Variants in LRRTM4 observed in about 807,000 individuals in gnomAD.
The protein encoded by LRRTM4 is leucine rich repeat transmembrane neuronal 4.
In LRRTM4, 25 loss-of-function variants were observed where a neutral mutation model predicts 47.6. The ratio of observed to expected loss-of-function variants is 0.53; its 90% CI spans 0.38 to 0.73. LRRTM4 has a LOEUF of 0.73. LRRTM4 is among the 30% of genes least tolerant of loss of function. The pLI, the probability that LRRTM4 is intolerant of heterozygous loss-of-function variation, is 0.00. For synonymous variants in LRRTM4, 311 were observed against 269.5 expected, an observed-to-expected ratio of 1.15 and a Z score of -1.51; for missense variants, 638 against 713.4, an observed-to-expected ratio of 0.89 and a Z score of 1.20.
chr2:77,041,393 T>C (rs1679027773), intron 3 of LRRTM4, among the ~76,000 whole-genome samples: 1 of 151,520 alleles, frequency 6.6e-6, no homozygotes, highest in Admixed American at 6.6e-5. Flanking sequence ...TACAGGTACC[T>C]CCTTCAACAT....
At chr2:77,425,172 G>A (rs1675057270) in intron 3 of LRRTM4, among the ~76,000 whole-genome samples, 1 of 114,818 alleles carries the variant, frequency 8.7e-6, no homozygotes, top group Non-Finnish European at 1.8e-5. Context: ...TTCATTCAGA[G>A]TAAACCAACA....
chr2:77,056,999 A>G (rs1679630187), intron 3 of LRRTM4, among the ~76,000 whole-genome samples: 1 of 152,230 alleles, frequency 6.6e-6, no homozygotes, highest in African/African-American at 2.4e-5. Context: ...ATAAAGTTTT[A>G]TGGTAACATA....
At chr2:77,358,994 C>T (rs1672076429) in intron 3 of LRRTM4, among the ~76,000 whole-genome samples, 1 of 152,090 alleles carries the variant, frequency 6.6e-6, no homozygotes, top group South Asian at 2.1e-4. Context: ...AAGAATTTTA[C>T]ATTTTAATTA....
At chr2:76,808,706 A>G (rs1670637323) in intron 3 of LRRTM4, among the ~76,000 whole-genome samples, 5 of 152,178 alleles carry the variant, frequency 3.3e-5, no homozygotes, top group Admixed American at 3.3e-4. Context: ...ATGATTCTAG[A>G]ATATGCCATT....
At chr2:76,946,766 T>C (rs1675335938) in intron 3 of LRRTM4, among the ~76,000 whole-genome samples, 2 of 151,954 alleles carry the variant, frequency 1.3e-5, no homozygotes, top group African/African-American at 4.8e-5. Flanking sequence ...GTCTGTAATC[T>C]TCTAAATTAT....
chr2:77,417,726 A>G (rs566617216), intron 3 of LRRTM4, among the ~76,000 whole-genome samples: 1 of 150,356 alleles, frequency 6.7e-6, no homozygotes, highest in Non-Finnish European at 1.5e-5. Flanking sequence ...GAACACATGG[A>G]CACAGGAAGG....
At chr2:76,881,138 C>T (rs1437743083) in intron 3 of LRRTM4, among the ~76,000 whole-genome samples, 1 of 152,056 alleles carries the variant, frequency 6.6e-6, no homozygotes, top group African/African-American at 2.4e-5. Context: ...TATGGATATG[C>T]TAATTTATCT....
intron 3 of LRRTM4, among the ~76,000 whole-genome samples, chr2:76,872,974 C>A (rs1212975343): frequency 6.6e-6 from 1 of 152,008 alleles, no homozygotes; most frequent in East Asian, 1.9e-4. Context: ...ACTTTTGAGG[C>A]CCCCAGCAAA....
intron 3 of LRRTM4, among the ~76,000 whole-genome samples, chr2:77,154,028 A>G (rs1393423781): frequency 6.6e-6 from 1 of 152,212 alleles, no homozygotes. Flanking sequence ...TTTTTGAATT[A>G]CAAACATCTC....
At chr2:76,804,104 C>A (rs1182014543) in intron 3 of LRRTM4, among the ~76,000 whole-genome samples, 1 of 152,100 alleles carries the variant, frequency 6.6e-6, no homozygotes, top group Non-Finnish European at 1.5e-5. Flanking sequence ...TTGCTTTGTG[C>A]CATTTTGCTG....
chr2:77,488,195 C>A (rs1215494825), intron 3 of LRRTM4, among the ~76,000 whole-genome samples: 1 of 152,172 alleles, frequency 6.6e-6, no homozygotes, highest in Non-Finnish European at 1.5e-5. Context: ...CAGTACCTGG[C>A]CTCTCCAAGC....
chr2:77,089,037 A>G (rs1282339652), intron 3 of LRRTM4, among the ~76,000 whole-genome samples: 2 of 151,902 alleles, frequency 1.3e-5, no homozygotes, highest in African/African-American at 4.8e-5. Context: ...TTGGTGTTTA[A>G]TCACTGCAGG....
At chr2:76,985,355 C>G (rs1418755960) in intron 3 of LRRTM4, among the ~76,000 whole-genome samples, 1 of 151,938 alleles carries the variant, frequency 6.6e-6, no homozygotes, top group Non-Finnish European at 1.5e-5. Context: ...GTAAAAAGAA[C>G]GATTCACAGA....
At chr2:77,157,290 T>C (rs1672585540) in intron 3 of LRRTM4, among the ~76,000 whole-genome samples, 1 of 152,050 alleles carries the variant, frequency 6.6e-6, no homozygotes, top group Non-Finnish European at 1.5e-5. Flanking sequence ...AAGGTAATTA[T>C]GAGGAGGGGA....
intron 3 of LRRTM4, among the ~76,000 whole-genome samples, chr2:76,806,813 G>A (rs982650261): frequency 5.3e-5 from 8 of 151,992 alleles, no homozygotes; most frequent in South Asian, 2.1e-4. Context: ...ACATATAGCC[G>A]ATTAGGATTT....
intron 3 of LRRTM4, among the ~76,000 whole-genome samples, chr2:76,828,424 T>C (rs1192235576): frequency 6.6e-6 from 1 of 152,018 alleles, no homozygotes; most frequent in African/African-American, 2.4e-5. Flanking sequence ...GACTCAGTGC[T>C]AATTCTCTTG....
chr2:77,267,873 G>A (rs1676090111), intron 3 of LRRTM4, among the ~76,000 whole-genome samples: 1 of 152,112 alleles, frequency 6.6e-6, no homozygotes, highest in Non-Finnish European at 1.5e-5. Context: ...AGGCTAAATT[G>A]AAGTCCTAAA....
chr2:77,276,719 A>G (rs1235723011), intron 3 of LRRTM4, among the ~76,000 whole-genome samples: 10 of 123,562 alleles, frequency 8.1e-5, no homozygotes, highest in Non-Finnish European at 1.6e-4. Context: ...ATATATATAT[A>G]TATATATATA....
intron 3 of LRRTM4, among the ~76,000 whole-genome samples, chr2:77,483,102 C>A (rs1677775053): frequency 9.8e-6 from 1 of 102,514 alleles, no homozygotes; most frequent in Admixed American, 1.6e-4. Flanking sequence ...GCCTAGGAGG[C>A]AGAGCAAGAC....
Sources: allele counts gnomAD v4.1 joint callset (sites outside exome capture counted in the v4.1 genomes callset), GRCh38; gene constraint gnomAD v4.1.1; transcripts MANE v1.5; gene names NCBI Gene and HGNC (gene_info 2026-07-23, HGNC 2026-07-21).